SCRG1: variants seen among roughly 807,000 people sequenced by gnomAD.
SCRG1 encodes scrapie-responsive protein 1.
A neutral mutation model predicts 7.7 loss-of-function variants in SCRG1; 3 were observed. That is an observed-to-expected ratio of 0.39 (90% CI 0.18 to 1.01). The LOEUF is 1.01. Among genes scored for constraint, SCRG1 ranks in the 50% least tolerant of loss-of-function variants. The pLI is 0.36. For synonymous variants in SCRG1, 46 were observed against 41.2 expected (o/e 1.12, Z -0.44); for missense variants, 110 against 117.2 (o/e 0.94, Z 0.28).
chr4:173,434,443 G>A, the SCRG1 span, among the ~76,000 whole-genome samples: 8 of 152,298 alleles, frequency 5.3e-5, 1 homozygote, highest in African/African-American at 1.7e-4. Flanking sequence ...AGGAGATCGT[G>A]TGACTTGGTA....
At chr4:173,483,277 A>AATATATGATATATC in the SCRG1 span, among the ~76,000 whole-genome samples, 7 of 40,574 alleles carry the variant, frequency 1.7e-4, no homozygotes, top group African/African-American at 5.2e-4. Flanking sequence ...TATGATATAT[A>AATATATGATATATC]ATATATGATA....
the SCRG1 span, among the ~76,000 whole-genome samples, chr4:173,483,760 C>CATATATA: frequency 9.8e-4 from 15 of 15,252 alleles, 5 homozygotes; most frequent in African/African-American, 3.1e-3. Context: ...TGTGATATAT[C>CATATATA]ATATATATGA....
chr4:173,492,583 G>T, the SCRG1 span, among the ~76,000 whole-genome samples: 1 of 152,234 alleles, frequency 6.6e-6, no homozygotes, highest in African/African-American at 2.4e-5. Flanking sequence ...GAGGGATTTA[G>T]TAGGAGGTAT....
At chr4:173,417,761 G>A in the SCRG1 span, among the ~76,000 whole-genome samples, 1 of 152,070 alleles carries the variant, frequency 6.6e-6, no homozygotes, top group Non-Finnish European at 1.5e-5. Context: ...AGCCCCACAA[G>A]TAGCTGGCAC....
chr4:173,409,248 T>C (rs1023664766), upstream of SCRG1, among the ~76,000 whole-genome samples: 1 of 152,146 alleles, frequency 6.6e-6, no homozygotes, highest in Non-Finnish European at 1.5e-5. Flanking sequence ...CATGTTATGA[T>C]ACATTAGATG....
chr4:173,446,312 TG>T, the SCRG1 span, among the ~76,000 whole-genome samples: 1 of 152,206 alleles, frequency 6.6e-6, no homozygotes, highest in Non-Finnish European at 1.5e-5. Context: ...AAAGCAATGC[TG>T]GTTAAAACTG....
the SCRG1 span, among the ~76,000 whole-genome samples, chr4:173,462,053 CA>C: frequency 1.3e-4 from 20 of 152,072 alleles, no homozygotes; most frequent in African/African-American, 4.8e-4. Context: ...AAAATAGCCT[CA>C]AAATAGCTTT....
the SCRG1 span, among the ~76,000 whole-genome samples, chr4:173,480,550 G>A: frequency 6.6e-6 from 1 of 152,044 alleles, no homozygotes; most frequent in Non-Finnish European, 1.5e-5. Context: ...AATTCTACAT[G>A]CATTGAAACA....
the SCRG1 span, among the ~76,000 whole-genome samples, chr4:173,482,692 C>T: frequency 5.2e-4 from 78 of 151,456 alleles, no homozygotes; most frequent in African/African-American, 1.8e-3. Context: ...GTGATGTGTG[C>T]CTGTAATCCT....
intron 2 of SCRG1, chr4:173,389,810 C>T (rs1197717505): frequency 2.4e-6 from 1 of 408,364 alleles, no homozygotes; most frequent in East Asian, 7.3e-5. Context: ...GTCACTTCAA[C>T]TCTGCACCTT....
chr4:173,403,226 T>TG (rs1486720962), upstream of SCRG1: 1 of 152,100 alleles, frequency 6.6e-6, no homozygotes, highest in Non-Finnish European at 1.5e-5. Context: ...ACCAAGTAGC[T>TG]GTTGTGTAAG....
the SCRG1 span, among the ~76,000 whole-genome samples, chr4:173,463,111 A>G: frequency 6.6e-6 from 1 of 152,214 alleles, no homozygotes; most frequent in Non-Finnish European, 1.5e-5. Flanking sequence ...ATCAATAATG[A>G]CATTGAATGT....
chr4:173,443,010 T>G, the SCRG1 span, among the ~76,000 whole-genome samples: 1 of 152,166 alleles, frequency 6.6e-6, no homozygotes, highest in Admixed American at 6.5e-5. Flanking sequence ...GGCATAATAG[T>G]GCACATTTGA....
chr4:173,500,829 AT>A, the SCRG1 span, among the ~76,000 whole-genome samples: 1 of 150,334 alleles, frequency 6.7e-6, no homozygotes, highest in Non-Finnish European at 1.5e-5. Context: ...TGGGGAGTTT[AT>A]TAAATAGTCA....
the SCRG1 span, among the ~76,000 whole-genome samples, chr4:173,485,954 A>C: frequency 6.6e-6 from 1 of 152,144 alleles, no homozygotes; most frequent in Non-Finnish European, 1.5e-5. Flanking sequence ...TGGGCAACAG[A>C]ATGAGACTCT....
the SCRG1 span, among the ~76,000 whole-genome samples, chr4:173,471,856 T>A: frequency 6.6e-6 from 1 of 152,214 alleles, no homozygotes; most frequent in Non-Finnish European, 1.5e-5. Flanking sequence ...ATTATAGGCA[T>A]GCCCCACCAC....
chr4:173,392,817 G>C (rs902454391), intron 1 of SCRG1, among the ~76,000 whole-genome samples: 1 of 152,186 alleles, frequency 6.6e-6, no homozygotes, highest in Non-Finnish European at 1.5e-5. Flanking sequence ...ATAGCCAGAC[G>C]TGGTGGCTCA....
the SCRG1 span, among the ~76,000 whole-genome samples, chr4:173,438,109 T>A: frequency 6.6e-6 from 1 of 152,152 alleles, no homozygotes; most frequent in Non-Finnish European, 1.5e-5. Context: ...TTTTATTTTT[T>A]AATTAATTAA....
At chr4:173,518,257 C>T in the SCRG1 span, among the ~76,000 whole-genome samples, 1 of 152,154 alleles carries the variant, frequency 6.6e-6, no homozygotes, top group Non-Finnish European at 1.5e-5. Context: ...CTCTGCCTTT[C>T]TGCCTCTCTC....
Sources: gnomAD v4.1 joint callset for allele counts (sites outside exome capture counted in the v4.1 genomes callset) on GRCh38, gnomAD v4.1.1 for gene constraint, MANE v1.5 for transcripts, NCBI Gene and HGNC (gene_info 2026-07-23, HGNC 2026-07-21) for gene names.